Variants in STK32B observed in about 807,000 individuals in gnomAD.
The protein encoded by STK32B is serine/threonine kinase 32B.
STK32B carries 43 observed loss-of-function variants against 52.6 expected under a neutral mutation model. The observed-to-expected ratio is 0.82, with a 90% CI of 0.64 to 1.05. The LOEUF is 1.05. Among genes scored for constraint, STK32B ranks in the 50% least tolerant of loss-of-function variants. STK32B has a pLI of 0.00. For synonymous variants in STK32B, 238 were observed against 204.3 expected (o/e 1.17, Z -1.41); for missense variants, 621 against 534.6 (o/e 1.16, Z -1.59).
intron 4 of STK32B, among the ~76,000 whole-genome samples, chr4:5,361,962 A>AT (rs1734575333): frequency 1.3e-5 from 2 of 152,236 alleles, no homozygotes; most frequent in African/African-American, 2.4e-5. Flanking sequence ...TTAACCTTTC[A>AT]TATTCATACT....
intron 11 of STK32B, among the ~76,000 whole-genome samples, chr4:5,487,849 A>T (rs942981120): frequency 6.6e-6 from 1 of 152,188 alleles, no homozygotes; most frequent in African/African-American, 2.4e-5. Context: ...TGGTTATGGC[A>T]TCAGGAAGCT....
intron 3 of STK32B, among the ~76,000 whole-genome samples, chr4:5,299,005 C>T (rs753179745): frequency 1.9e-4 from 29 of 152,126 alleles, no homozygotes; most frequent in Non-Finnish European, 2.8e-4. Context: ...ATAGCACTGT[C>T]GCTCACGGCA....
In STK32B at chr4:5,378,919, T is replaced by C. The variant is rs191328900; in HGVS notation, c.435-19288T>C. Reference sequence around the variant, plus strand: ...TCATCTGCAAAAGGGGTGACAATTCTACCCTGCCTCTGTGAGACCCCAGGA... The same window carrying C: ...TCATCTGCAAAAGGGGTGACAATTCCACCCTGCCTCTGTGAGACCCCAGGA... On this transcript the variant is annotated intron_variant, in intron 4 of 11. Transcript: ENST00000282908. This position sits in a 1 kb window ranked among gnomAD's most constrained non-coding sequence, Gnocchi z 4.4. Among the ~76,000 whole-genome samples, 286 of 152,296 alleles carry C rather than the reference T, an allele frequency of 1.9e-3. 2 individuals carry two copies. In the Middle Eastern group the frequency reaches 0.027, roughly 14 times the overall value.
intron 3 of STK32B, among the ~76,000 whole-genome samples, chr4:5,240,620 C>A (rs1043850496): frequency 6.6e-6 from 1 of 152,066 alleles, no homozygotes; most frequent in African/African-American, 2.4e-5. Flanking sequence ...CCACCGCACC[C>A]AGCTAATTTT....
At chr4:5,463,661 ACAAG>A (rs1717210213) in intron 9 of STK32B, among the ~76,000 whole-genome samples, 1 of 152,014 alleles carries the variant, frequency 6.6e-6, no homozygotes, top group Non-Finnish European at 1.5e-5. Flanking sequence ...ACACACACAC[ACAAG>A]CAAGCCCCCT....
the STK32B span, among the ~76,000 whole-genome samples, chr4:5,023,423 A>G: frequency 1.3e-5 from 2 of 152,176 alleles, no homozygotes; most frequent in African/African-American, 4.8e-5. Context: ...GTCTGCTTGC[A>G]TACGTCCCTG....
In STK32B at chr4:5,465,452, G is replaced by A. The variant is rs148994835; in HGVS notation, c.910-1251G>A. Among the ~76,000 whole-genome samples the A allele has an allele frequency of 2.3e-4, 35 of 152,206 alleles. 1 individual carries two copies. The East Asian group carries it at 5.2e-3, about 23-fold the overall frequency. The stretch of plus-strand genomic sequence containing the variant: ...ACTGGCTGGCATCAAGCAGATTAGG[G>A]AGCATGGCCAAGACAAGTTCAGCTT... On this transcript the variant is annotated intron_variant, in intron 9 of 11. Transcript: ENST00000282908.
chr4:5,403,410 G>C (rs999747313), intron 5 of STK32B, among the ~76,000 whole-genome samples: 5 of 152,026 alleles, frequency 3.3e-5, no homozygotes, highest in African/African-American at 1.2e-4. Context: ...CACAATAAAG[G>C]CTCTGGCCCA....
rs532028855 is a variant in STK32B, at chr4:5,257,077, A to G, written c.261-74143A>G. Among the ~76,000 whole-genome samples, 163 of 145,846 alleles carry G rather than the reference A, an allele frequency of 1.1e-3. 1 individual carries two copies. Among genetic ancestry groups the G allele is most frequent in the African/African-American group, 4.4e-3 (157 of 35,498 alleles). ...TGAATATGTGAGTAAATGAATGAAT[A>G]AGTGAGTGAATGAATGAATGAGTGA... On this transcript the variant is annotated intron_variant, in intron 3 of 11. Transcript: ENST00000282908.
intron 3 of STK32B, among the ~76,000 whole-genome samples, chr4:5,266,382 AG>A (rs1171299361): frequency 1.3e-5 from 2 of 152,242 alleles, no homozygotes; most frequent in Non-Finnish European, 2.9e-5. Flanking sequence ...AAATGTCTCC[AG>A]GGAGTGACTG....
chr4:5,096,789 CA>C (rs1361026178), intron 1 of STK32B, among the ~76,000 whole-genome samples: 1 of 152,162 alleles, frequency 6.6e-6, no homozygotes, highest in Non-Finnish European at 1.5e-5. Flanking sequence ...GGCTGACTGC[CA>C]ACCGGCAAAA....
intron 3 of STK32B, among the ~76,000 whole-genome samples, chr4:5,307,583 C>G (rs1211679059): frequency 7.0e-6 from 1 of 143,034 alleles, no homozygotes; most frequent in Non-Finnish European, 1.5e-5. Context: ...CTTCACCTTT[C>G]TCTAGTACCT....
intron 3 of STK32B, among the ~76,000 whole-genome samples, chr4:5,229,560 A>G (rs35151421): frequency 0.31 from 47,765 of 152,100 alleles, 8,089 homozygotes; most frequent in Non-Finnish European, 0.39. Flanking sequence ...ACAGTTAGAC[A>G]TGGATGATAT....
In STK32B at chr4:5,380,795, A is replaced by C. The variant is rs902530905; in HGVS notation, c.435-17412A>C. Among the ~76,000 whole-genome samples the C allele has an allele frequency of 6.6e-6, 1 of 152,176 alleles. No individual in the cohort carries two copies. The highest frequency in any genetic ancestry group is 1.5e-5 in the Non-Finnish European group (1 of 68,042). ...ACACTGCTGTTACCTACAATCATGC[A>C]GTCCTTACAACAGCCTACAAGTAGA... is the stretch of plus-strand genomic sequence containing the variant. On this transcript the variant is annotated intron_variant, in intron 4 of 11. Coordinates refer to ENST00000282908, the MANE Select transcript of STK32B (RefSeq NM_018401.3). This position sits in a 1 kb window ranked among gnomAD's most constrained non-coding sequence, Gnocchi z 4.3.
chr4:5,191,064 C>T (rs1010059318), intron 3 of STK32B, among the ~76,000 whole-genome samples: 2 of 152,168 alleles, frequency 1.3e-5, no homozygotes, highest in Non-Finnish European at 2.9e-5. Flanking sequence ...GGCATCTTAT[C>T]TGCTAACTCG....
intron 1 of STK32B, among the ~76,000 whole-genome samples, chr4:5,097,706 A>G (rs539161758): frequency 6.6e-6 from 1 of 152,354 alleles, no homozygotes; most frequent in East Asian, 1.9e-4. Flanking sequence ...TTAAAGGTTA[A>G]CAGGACCCTG....
chr4:5,198,029 A>C (rs1026604443), intron 3 of STK32B, among the ~76,000 whole-genome samples: 6 of 152,108 alleles, frequency 3.9e-5, no homozygotes, highest in African/African-American at 1.4e-4. Context: ...TTTTTCTTCA[A>C]AATGCTTGAA....
intron 1 of STK32B, among the ~76,000 whole-genome samples, chr4:5,107,254 G>C (rs1714157969): frequency 6.6e-6 from 1 of 152,104 alleles, no homozygotes; most frequent in South Asian, 2.1e-4. Context: ...ACCCCAAAAT[G>C]AGACCATCTA....
chr4:5,417,057 C>T (rs1255392890), intron 6 of STK32B, 123 bp downstream of exon 6: 1 of 854,408 alleles, frequency 1.2e-6, no homozygotes, highest in African/African-American at 1.7e-5. Context: ...CATGAGGTTC[C>T]ACAGTTCCCA....
Sources: allele counts gnomAD v4.1 joint callset (sites outside exome capture counted in the v4.1 genomes callset), GRCh38; gene constraint gnomAD v4.1.1; non-coding constraint Gnocchi (gnomAD v3.1); transcripts MANE v1.5; gene names NCBI Gene and HGNC (gene_info 2026-07-23, HGNC 2026-07-21).